The following TFAP2D variants were observed in gnomAD, a reference collection of about 807,000 sequenced individuals.
TFAP2D encodes the protein transcription factor AP-2-delta.
Under a neutral mutation model 43.6 loss-of-function variants are expected in TFAP2D, and 9 were observed. The observed-to-expected ratio is 0.21, with a 90% CI of 0.12 to 0.36. The LOEUF (loss-of-function observed/expected upper bound fraction) is 0.36. Ranked by LOEUF, TFAP2D falls within the 10% of genes least tolerant of loss-of-function variation. TFAP2D has a pLI of 1.00. For missense variants in TFAP2D, 513 were observed against 561.4 expected (o/e 0.91, Z 0.87); for synonymous variants, 256 against 224.9 (o/e 1.14, Z -1.24).
intron 7 of TFAP2D, among the ~76,000 whole-genome samples, chr6:50,768,411 G>T (rs1344206941): frequency 7.2e-6 from 1 of 139,380 alleles, no homozygotes; most frequent in African/African-American, 2.7e-5. Flanking sequence ...GTAGCTCTTT[G>T]TACTCTCAGG....
intron 5 of TFAP2D, among the ~76,000 whole-genome samples, chr6:50,734,136 G>T (rs1464948541): frequency 6.6e-6 from 1 of 151,886 alleles, no homozygotes; most frequent in East Asian, 1.9e-4. Context: ...CTTAGTAACT[G>T]TTGCTCTTGT....
rs1405872716 is a variant in TFAP2D, at chr6:50,755,680, TACTAA to T, written c.1139+4357_1139+4361del. On this transcript the variant is annotated intron_variant, in intron 7 of 7. Coordinates refer to ENST00000008391, the MANE Select transcript of TFAP2D (RefSeq NM_172238.4). The stretch of plus-strand genomic sequence containing the variant: ...GAATTCTATCAAGTTTTGTATTGTA[TACTAA>T]TATATTAAAAACATTCTACTGGGAG... 5.3e-5 allele frequency among the ~76,000 whole-genome samples: 8 copies of T among 151,932 alleles called. No individual in the cohort carries two copies. The East Asian group carries it at 1.5e-3, about 29-fold the overall frequency.
intron 3 of TFAP2D, among the ~76,000 whole-genome samples, chr6:50,727,309 A>G (rs1768821437): frequency 6.6e-6 from 1 of 152,204 alleles, no homozygotes; most frequent in Non-Finnish European, 1.5e-5. Flanking sequence ...CTGTCTCCTC[A>G]GGTTTGGGAT....
rs1314041234 is a variant in TFAP2D, at chr6:50,772,947, T to G, written c.*83T>G. ...ATATATCATTGAGGGTGACTAATCT[T>G]CAGTGGACCAAATCTCTACCCTTCC... On this transcript the variant is annotated 3_prime_UTR_variant, in exon 8 of 8. Coordinates refer to ENST00000008391, the MANE Select transcript of TFAP2D (RefSeq NM_172238.4). 1 of 1,278,950 alleles carries G rather than the reference T, an allele frequency of 7.8e-7. No homozygotes were observed. Among genetic ancestry groups the G allele is most frequent in the Non-Finnish European group, 1.1e-6 (1 of 922,226 alleles). 79.2% of individuals were successfully genotyped at this position (1,278,950 alleles called of 1,614,324 possible). A position where few individuals can be genotyped will look rare whatever the true frequency, so the allele number is the denominator to read the frequency against.
chr6:50,771,249 G>A (rs1157583634), intron 7 of TFAP2D, among the ~76,000 whole-genome samples: 1 of 152,150 alleles, frequency 6.6e-6, no homozygotes, highest in Non-Finnish European at 1.5e-5. Context: ...AGATGAATAG[G>A]TTCCTTCTAA....
intron 1 of TFAP2D, among the ~76,000 whole-genome samples, chr6:50,714,865 C>T (rs990396391): frequency 6.6e-6 from 1 of 151,910 alleles, no homozygotes; most frequent in African/African-American, 2.4e-5. Context: ...TCACCCGCAC[C>T]TATATAGGGT....
intron 7 of TFAP2D, among the ~76,000 whole-genome samples, chr6:50,753,942 T>C (rs191240643): frequency 2.0e-5 from 3 of 152,104 alleles, no homozygotes; most frequent in African/African-American, 4.8e-5. Context: ...AAGATTTCTT[T>C]ATAGCAAATT....
At chr6:50,746,040 T>C (rs1260848987) in intron 6 of TFAP2D, among the ~76,000 whole-genome samples, 1 of 152,128 alleles carries the variant, frequency 6.6e-6, no homozygotes, top group Non-Finnish European at 1.5e-5. Flanking sequence ...GTTCAAAAGT[T>C]TTAGAGGAAA....
At chr6:50,723,253 G>A (rs1053056598) in intron 3 of TFAP2D, among the ~76,000 whole-genome samples, 1 of 152,236 alleles carries the variant, frequency 6.6e-6, no homozygotes, top group African/African-American at 2.4e-5. Context: ...CAGAGTAGAA[G>A]GACCTGATCG....
At chr6:50,717,634 T>C (rs1337606678) in intron 2 of TFAP2D, among the ~76,000 whole-genome samples, 1 of 152,240 alleles carries the variant, frequency 6.6e-6, no homozygotes, top group East Asian at 1.9e-4. Context: ...CTGTGTGTGA[T>C]ATACGTTTAT....
rs183114196 is a variant in TFAP2D, at chr6:50,733,867, C to T, written c.883+4555C>T. On this transcript the variant is annotated intron_variant, in intron 5 of 7. Transcript: ENST00000008391. ...TTTGCAAAAGCTTGTGTAACCTTCT[C>T]AGCCAACACTCAGGGTTCTGAAAGT... 4.1e-4 allele frequency among the ~76,000 whole-genome samples: 63 copies of T among 152,184 alleles called. No homozygotes were observed. The South Asian group carries it at 5.0e-3, about 12-fold the overall frequency.
chr6:50,742,954 A>AACACAC (rs3060372), intron 5 of TFAP2D, among the ~76,000 whole-genome samples: 2,839 of 139,654 alleles, frequency 0.02, 56 homozygotes, highest in African/African-American at 0.044. Flanking sequence ...ACGACTTTAA[A>AACACAC]ACACACACAC....
intron 7 of TFAP2D, among the ~76,000 whole-genome samples, chr6:50,751,843 T>C (rs1167678408): frequency 1.3e-5 from 2 of 151,912 alleles, no homozygotes; most frequent in African/African-American, 4.8e-5. Context: ...AAAATCAAAT[T>C]GAGAGAATAA....
chr6:50,725,297 G>C (rs911774734), intron 3 of TFAP2D, among the ~76,000 whole-genome samples: 8 of 152,188 alleles, frequency 5.3e-5, no homozygotes, highest in African/African-American at 1.7e-4. Flanking sequence ...CCATGTCCTA[G>C]GCAAAGGACC....
intron 5 of TFAP2D, among the ~76,000 whole-genome samples, chr6:50,730,001 G>A (rs545435253): frequency 1.3e-5 from 2 of 152,014 alleles, no homozygotes; most frequent in Non-Finnish European, 1.5e-5. Flanking sequence ...TTATTGAAAG[G>A]CTTTTTTTTT....
intron 3 of TFAP2D, among the ~76,000 whole-genome samples, chr6:50,720,502 CACACACACACACACACACA>C (rs1768702567): frequency 1.1e-5 from 1 of 87,686 alleles, no homozygotes; most frequent in Non-Finnish European, 3.1e-5. Flanking sequence ...CACACACACA[CACACACACACACACACACA>C]CACACACACA....
chr6:50,750,463 T>C (rs932956885), intron 6 of TFAP2D, among the ~76,000 whole-genome samples: 1 of 152,002 alleles, frequency 6.6e-6, no homozygotes, highest in Non-Finnish European at 1.5e-5. Flanking sequence ...ACAAAAACAA[T>C]ATCTCTTTGT....
At chr6:50,733,261 C>A (rs1768917970) in intron 5 of TFAP2D, among the ~76,000 whole-genome samples, 1 of 151,994 alleles carries the variant, frequency 6.6e-6, no homozygotes, top group South Asian at 2.1e-4. Context: ...CATTTAATTT[C>A]TTTTTCAACT....
intron 5 of TFAP2D, among the ~76,000 whole-genome samples, chr6:50,744,723 G>A (rs1453329638): frequency 6.6e-6 from 1 of 152,120 alleles, no homozygotes; most frequent in African/African-American, 2.4e-5. Flanking sequence ...ACTAAGAATA[G>A]GTTGTAGGCT....
Sources: allele counts gnomAD v4.1 joint callset (sites outside exome capture counted in the v4.1 genomes callset), GRCh38; gene constraint gnomAD v4.1.1; transcripts MANE v1.5; gene names NCBI Gene and HGNC (gene_info 2026-07-23, HGNC 2026-07-21).